AKR1C1: variants seen among roughly 807,000 people sequenced by gnomAD.
AKR1C1 encodes 20 alpha-hydroxysteroid dehydrogenase.
Under a neutral mutation model 40.6 loss-of-function variants are expected in AKR1C1, and 32 were observed. The observed-to-expected ratio is 0.79, with a 90% confidence interval of 0.60 to 1.06. The LOEUF (loss-of-function observed/expected upper bound fraction) is 1.06. Ranked by LOEUF, AKR1C1 falls within the 50% of genes least tolerant of loss-of-function variation. AKR1C1 has a pLI of 0.00. For synonymous variants in AKR1C1, 105 were observed against 134.2 expected (o/e 0.78, Z 1.50); for missense variants, 320 against 363.5 (o/e 0.88, Z 0.97).
chr10:4,968,082 A>T, intron 3 of AKR1C1: 2 of 877,038 alleles, frequency 2.3e-6, no homozygotes, highest in Non-Finnish European at 3.3e-6. Context: ...AGGAACCAGA[A>T]AGAGGTATTT....
Position 4,968,932 on chromosome 10 carries a change from T to C in AKR1C1, c.558T>C (p.Pro186=). ...ACAAGCCAGGGCTCAAGTACAAGCC[T>C]GTCTGCAACCAGGTGAGCACCCTCA... ...ILNKPGLKYK[P]VCNQVECHPY... is the part of the protein sequence containing the mutation. Residue 186 remains proline (P), a synonymous_variant, in exon 5 of 9, where the codon CCT becomes CCC. Coordinates refer to ENST00000380872, the MANE Select transcript of AKR1C1 (RefSeq NM_001353.6). The C allele has an allele frequency of 6.2e-7, 1 of 1,614,196 alleles. No homozygotes were observed. Among genetic ancestry groups the C allele is most frequent in the Non-Finnish European group, 8.5e-7 (1 of 1,180,032 alleles).
rs1836612761 is a variant in AKR1C1 at position 4,981,395 on chromosome 10, T to C, written c.*3653T>C. On this transcript the variant is annotated 3_prime_UTR_variant, in exon 9 of 9. Coordinates refer to ENST00000380872, the MANE Select transcript of AKR1C1 (RefSeq NM_001353.6). Reference sequence around the variant, plus strand: ...AGATATCACAAAATGACAAAACAAGTACAGGGGCAGCAAAAGGTAACAGAT... The same window carrying C: ...AGATATCACAAAATGACAAAACAAGCACAGGGGCAGCAAAAGGTAACAGAT... The C allele has an allele frequency of 2.0e-5, 3 of 152,024 alleles. No individual in the cohort carries two copies. The highest frequency in any genetic ancestry group is 6.6e-5 in the Admixed American group (1 of 15,262). 9.4% of individuals were successfully genotyped at this position (152,024 alleles called of 1,614,324 possible). A position where few individuals can be genotyped will look rare whatever the true frequency, so the allele number is the denominator to read the frequency against.
intron 7 of AKR1C1, among the ~76,000 whole-genome samples, chr10:4,973,747 G>A (rs1469511364): frequency 3.3e-5 from 5 of 151,960 alleles, no homozygotes; most frequent in Admixed American, 1.3e-4. Flanking sequence ...TCATTTATAC[G>A]ATATGTGTGA....
chr10:4,967,744 T>G (rs1836354947), intron 3 of AKR1C1: 1 of 648,828 alleles, frequency 1.5e-6, no homozygotes, highest in African/African-American at 2.0e-5. Flanking sequence ...AAAGGCTTTT[T>G]AAGTATTTGT....
In AKR1C1 at chr10:4,966,887, A is replaced by T. The variant is rs202131093; in HGVS notation, c.253-40A>T. The T allele has an allele frequency of 8.3e-6, 13 of 1,572,484 alleles. No homozygotes were observed. The Admixed American group carries it at 1.9e-4, about 23-fold the overall frequency. On this transcript the variant is annotated intron_variant, in intron 2 of 8. Coordinates refer to ENST00000380872, the MANE Select transcript of AKR1C1 (RefSeq NM_001353.6). The stretch of plus-strand genomic sequence containing the variant: ...TGGAGCAAACTAGTAAAATTGGCTC[A>T]AGTTTTCATTACACAACTTCCTTTC...
intron 2 of AKR1C1, among the ~76,000 whole-genome samples, chr10:4,966,411 A>T (rs1167518751): frequency 6.6e-6 from 1 of 152,210 alleles, no homozygotes; most frequent in Non-Finnish European, 1.5e-5. Flanking sequence ...TACACTTGTT[A>T]TGATTCTCAG....
Position 4,972,751 on chromosome 10 carries a change from T to C in AKR1C1, c.846+2T>C. On this transcript the variant is annotated splice_donor_variant, in intron 7 of 8. Coordinates refer to ENST00000380872, the MANE Select transcript of AKR1C1 (RefSeq NM_001353.6). LOFTEE classifies it high-confidence loss of function. The stretch of plus-strand genomic sequence containing the variant: ...CAGCGCATCAGACAGAACGTGCAGG[T>C]GAGGAGCGGGGCTGTGGGCCTCAGG... The C allele has an allele frequency of 6.2e-7, 1 of 1,611,848 alleles. No homozygotes were observed. The highest frequency in any genetic ancestry group is 8.5e-7 in the Non-Finnish European group (1 of 1,179,716).
At chr10:4,977,611 C>G in intron 8 of AKR1C1, 89 bp from the exon 9 acceptor site, 7 of 1,525,458 alleles carry the variant, frequency 4.6e-6, no homozygotes, top group Non-Finnish European at 6.3e-6. Context: ...AACATCTACA[C>G]TAGCGGCAGC....
intron 5 of AKR1C1, among the ~76,000 whole-genome samples, chr10:4,969,252 C>T (rs1274947459): frequency 6.6e-6 from 1 of 152,032 alleles, no homozygotes; most frequent in Non-Finnish European, 1.5e-5. Flanking sequence ...TGAAAGATGA[C>T]CAGAGAATGG....
intron 4 of AKR1C1, 75 bp from the exon 5 acceptor site, chr10:4,968,747 T>C: frequency 6.2e-7 from 1 of 1,608,592 alleles, no homozygotes; most frequent in Non-Finnish European, 8.5e-7. Flanking sequence ...TTGTCATATC[T>C]AGACAGTTGT....
At chr10:4,966,304 T>C (rs1463624939) in intron 2 of AKR1C1, among the ~76,000 whole-genome samples, 4 of 152,228 alleles carry the variant, frequency 2.6e-5, no homozygotes, top group African/African-American at 4.8e-5. Context: ...CTTTACTTTT[T>C]GAGCTCAGCA....
chr10:4,971,009 T>C (rs1836418096), intron 5 of AKR1C1, among the ~76,000 whole-genome samples: 2 of 152,244 alleles, frequency 1.3e-5, no homozygotes, highest in South Asian at 4.1e-4. Context: ...TCTGTTGTTT[T>C]TAACTCATGT....
chr10:4,973,717 G>A (rs1334360046), intron 7 of AKR1C1, among the ~76,000 whole-genome samples: 7 of 152,012 alleles, frequency 4.6e-5, no homozygotes, highest in African/African-American at 1.7e-4. Flanking sequence ...TTGTTAGAGG[G>A]CATGTTCCTA....
chr10:4,971,702 A>G (rs1836431359), intron 5 of AKR1C1, among the ~76,000 whole-genome samples: 2 of 151,220 alleles, frequency 1.3e-5, no homozygotes, highest in Non-Finnish European at 2.9e-5. Context: ...GTGTGTATGT[A>G]TATTTTCTAG....
At position 4,982,833 on chromosome 10, in the gene AKR1C1, A is replaced by T; in HGVS notation, c.*5091A>T. 1 of 380,458 alleles carries T rather than the reference A, an allele frequency of 2.6e-6. No individual in the cohort carries two copies. Among genetic ancestry groups the T allele is most frequent in the Non-Finnish European group, 5.3e-6 (1 of 189,766 alleles). 23.6% of individuals were successfully genotyped at this position (380,458 alleles called of 1,614,324 possible). On this transcript the variant is annotated 3_prime_UTR_variant, in exon 9 of 9. Transcript: ENST00000380872. ...AAGAATAAATAGAACTGTTCCCAGG[A>T]AGGAGAAAATGCCTGCATGAGCTCA...
chr10:4,966,114 G>A, intron 2 of AKR1C1, 33 bp downstream of exon 2: 1 of 1,590,944 alleles, frequency 6.3e-7, no homozygotes, highest in Non-Finnish European at 8.6e-7. Flanking sequence ...GTGTGCACAT[G>A]TATTTATTGT....
In AKR1C1 at chr10:4,972,800, C is replaced by G. The variant is rs559135712; in HGVS notation, c.846+51C>G. The G allele has an allele frequency of 3.1e-4, 497 of 1,585,108 alleles. 1 individual carries two copies. In the African/African-American group the frequency reaches 5.8e-3, roughly 18 times the overall value. On this transcript the variant is annotated intron_variant, in intron 7 of 8. Transcript: ENST00000380872. ...GGTCTCCTGCACAGTGTCCTTCACA[C>G]GTGTGCTTCTTGTAAGGCTCTCAGG...
Position 4,968,873 on chromosome 10 carries a change from A to T in AKR1C1, c.499A>T (p.Asn167Tyr). The change falls in exon 5 of 9, where the codon AAC (asparagine) becomes TAC (tyrosine). Residue 167 changes from asparagine to tyrosine, a missense_variant. By Grantham distance (143) the Asn-to-Tyr change is moderately radical. Around this residue, in one of 3 missense-constraint regions of AKR1C1, gnomAD observed 214 missense variants for 214.8 expected, o/e 1.00. Transcript: ENST00000380872. ...AGLAKSIGVSNFNRRQLEMIL... is the reference protein window; with the variant it reads ...AGLAKSIGVSYFNRRQLEMIL... The stretch of plus-strand genomic sequence containing the variant: ...ATTGGCCAAGTCCATCGGGGTGTCC[A>T]ACTTCAACCGCAGGCAGCTGGAGAT... 4 of 1,614,210 alleles carry T rather than the reference A, an allele frequency of 2.5e-6. No individual in the cohort carries two copies. The highest frequency in any genetic ancestry group is 3.4e-6 in the Non-Finnish European group (4 of 1,180,036).
Position 4,968,955 on chromosome 10 carries a change from T to G in AKR1C1, c.570+11T>G. On this transcript the variant is annotated intron_variant, in intron 5 of 8. Transcript: ENST00000380872. ...CCTGTCTGCAACCAGGTGAGCACCC[T>G]CAGCCTCCTCTCCTTTCTGTTCTTC... 1 of 1,614,196 alleles carries G rather than the reference T, an allele frequency of 6.2e-7. No homozygotes were observed. Among genetic ancestry groups the G allele is most frequent in the Non-Finnish European group, 8.5e-7 (1 of 1,180,028 alleles).
Sources: allele counts gnomAD v4.1 joint callset (sites outside exome capture counted in the v4.1 genomes callset), GRCh38; gene constraint gnomAD v4.1.1; regional missense constraint gnomAD v4.1.1; transcripts MANE v1.5; gene names NCBI Gene and HGNC (gene_info 2026-07-23, HGNC 2026-07-21).